Variants in THRB observed in about 807,000 individuals in gnomAD.
THRB encodes the protein nuclear receptor subfamily 1 group A member 2.
In THRB, 12 loss-of-function variants were observed where a neutral mutation model predicts 47.8. The ratio of observed to expected loss-of-function variants is 0.25; its 90% CI spans 0.16 to 0.41. The LOEUF (loss-of-function observed/expected upper bound fraction) is 0.41. Ranked by LOEUF, THRB falls within the 10% of genes least tolerant of loss-of-function variation. The pLI, the probability that THRB is intolerant of heterozygous loss-of-function variation, is 1.00. For missense variants in THRB, 348 were observed against 589.2 expected, an observed-to-expected ratio of 0.59 and a Z score of 4.24; for synonymous variants, 218 against 212.2, an observed-to-expected ratio of 1.03 and a Z score of -0.24.
chr3:24,282,958 A>C (rs185701557), intron 3 of THRB, among the ~76,000 whole-genome samples: 110 of 152,078 alleles, frequency 7.2e-4, no homozygotes, highest in African/African-American at 2.6e-3. Context: ...TTACCAACGA[A>C]AGAGTCCAGG....
intron 1 of THRB, chr3:24,455,537 A>G (rs1481054478): frequency 6.6e-6 from 1 of 152,148 alleles, no homozygotes; most frequent in Non-Finnish European, 1.5e-5. Context: ...ATTACTTTTG[A>G]TTCAAATTAA....
At chr3:24,336,661 C>T (rs961972657) in intron 2 of THRB, among the ~76,000 whole-genome samples, 1 of 151,876 alleles carries the variant, frequency 6.6e-6, no homozygotes, top group Admixed American at 6.6e-5. Flanking sequence ...TGGATCTTTA[C>T]TGCACAGGTG....
rs375444339 is a variant in THRB, at chr3:24,284,980, A to G, written c.-43+12246T>C. Among the ~76,000 whole-genome samples, 15 of 152,182 alleles carry G rather than the reference A, an allele frequency of 9.9e-5. No homozygotes were observed. The East Asian group carries it at 1.2e-3, about 12-fold the overall frequency. Reference sequence around the variant, plus strand: ...GAAATAGGAACACTTTTACACTGTTAGTGGGACTGTAAACTAGTTCAACCA... The same window carrying G: ...GAAATAGGAACACTTTTACACTGTTGGTGGGACTGTAAACTAGTTCAACCA... On this transcript the variant is annotated intron_variant, in intron 3 of 10. Transcript: ENST00000646209.
At chr3:24,291,496 A>G (rs1576597379) in intron 3 of THRB, among the ~76,000 whole-genome samples, 1 of 152,340 alleles carries the variant, frequency 6.6e-6, no homozygotes, top group Middle Eastern at 3.4e-3. Context: ...AAAAGGGTGT[A>G]ATATTTGCAT....
intron 1 of THRB, among the ~76,000 whole-genome samples, chr3:24,352,290 T>C (rs1256587191): frequency 6.6e-6 from 1 of 152,176 alleles, no homozygotes; most frequent in Non-Finnish European, 1.5e-5. Flanking sequence ...TGGATCACTT[T>C]TGGGCAAGCT....
intron 1 of THRB, among the ~76,000 whole-genome samples, chr3:24,337,889 C>T (rs559169974): frequency 2.6e-5 from 4 of 152,100 alleles, no homozygotes; most frequent in Non-Finnish European, 4.4e-5. Context: ...AAGCATGAAG[C>T]CATGGAGCTG....
chr3:24,272,807 A>G (rs996831294), intron 3 of THRB, among the ~76,000 whole-genome samples: 1 of 152,172 alleles, frequency 6.6e-6, no homozygotes, highest in Non-Finnish European at 1.5e-5. Flanking sequence ...TTCCTTTTCA[A>G]ACTTCAAATA....
chr3:24,210,753 G>C (rs1485272884), intron 4 of THRB, among the ~76,000 whole-genome samples: 1 of 152,192 alleles, frequency 6.6e-6, no homozygotes, highest in Non-Finnish European at 1.5e-5. Flanking sequence ...GGAATGTCTG[G>C]TTGACAGTAA....
At position 24,271,765 on chromosome 3, in the gene THRB, T is replaced by A. The variant is rs550745829; in HGVS notation, c.-43+25461A>T. ...ACTACATGTACTATTACAATAGTATTTTTTTCCTTGAGAAAATTTAATTTA... is the reference window on the plus strand; with the variant it reads ...ACTACATGTACTATTACAATAGTATATTTTTCCTTGAGAAAATTTAATTTA... On this transcript the variant is annotated intron_variant, in intron 3 of 10. Coordinates refer to ENST00000646209, the MANE Select transcript of THRB (RefSeq NM_001354712.2). Among the ~76,000 whole-genome samples, 4 of 152,092 alleles carry A rather than the reference T, an allele frequency of 2.6e-5. No homozygotes were observed. In the South Asian group the frequency reaches 8.3e-4, roughly 32 times the overall value.
intron 5 of THRB, among the ~76,000 whole-genome samples, chr3:24,174,068 C>T (rs541069234): frequency 8.1e-5 from 11 of 135,594 alleles, no homozygotes; most frequent in Admixed American, 3.0e-4. Context: ...ATGTGCAGGA[C>T]GTGCAGGTTT....
At position 24,190,012 on chromosome 3, in the gene THRB, C is replaced by G; in HGVS notation, c.283+62G>C. 2.6e-6 allele frequency: 4 copies of G among 1,518,676 alleles called. 1 individual carries two copies. In the South Asian group the frequency reaches 4.5e-5, roughly 17 times the overall value. The allele number at this position is 1,518,676 out of a possible 1,614,324, so 94.1% of individuals were successfully genotyped here. Reference sequence around the variant, plus strand: ...GAAATGTAGATGAAGTACACAGCTACAACAGGGATATTTTTTTTCTTGTTG... The same window carrying G: ...GAAATGTAGATGAAGTACACAGCTAGAACAGGGATATTTTTTTTCTTGTTG... On this transcript the variant is annotated intron_variant, in intron 5 of 10. Transcript: ENST00000646209.
chr3:24,318,492 C>T (rs1441095586), intron 2 of THRB: 1 of 152,132 alleles, frequency 6.6e-6, no homozygotes, highest in African/African-American at 2.4e-5. Context: ...GCCTCCAAGC[C>T]CCCTGAAAAT....
intron 2 of THRB, among the ~76,000 whole-genome samples, chr3:24,307,996 C>T (rs2057478615): frequency 6.6e-6 from 1 of 152,078 alleles, no homozygotes; most frequent in African/African-American, 2.4e-5. Flanking sequence ...GAATTTTGCC[C>T]ATCCGGCAAA....
intron 4 of THRB, among the ~76,000 whole-genome samples, chr3:24,226,436 C>T (rs1026801293): frequency 3.9e-5 from 6 of 152,172 alleles, no homozygotes; most frequent in East Asian, 1.9e-4. Context: ...AGCCCACTAA[C>T]GTATACTGTA....
chr3:24,125,396 A>T (rs1282705275), intron 10 of THRB, among the ~76,000 whole-genome samples: 1 of 152,230 alleles, frequency 6.6e-6, no homozygotes, highest in Non-Finnish European at 1.5e-5. Flanking sequence ...CGTCAGAGAA[A>T]CAGCTTTCTC....
At chr3:24,278,365 A>C (rs1189828891) in intron 3 of THRB, among the ~76,000 whole-genome samples, 1 of 152,212 alleles carries the variant, frequency 6.6e-6, no homozygotes, top group Non-Finnish European at 1.5e-5. Flanking sequence ...CTTGCTGAGA[A>C]GTTATGTAAT....
intron 1 of THRB, among the ~76,000 whole-genome samples, chr3:24,357,896 C>G (rs911324540): frequency 8.1e-4 from 123 of 152,194 alleles, no homozygotes; most frequent in African/African-American, 2.9e-3. Flanking sequence ...CAACCACTCC[C>G]CTATCATTCT....
At chr3:24,490,157 C>A (rs1490665676) in intron 1 of THRB, among the ~76,000 whole-genome samples, 3 of 152,082 alleles carry the variant, frequency 2.0e-5, no homozygotes, top group Non-Finnish European at 4.4e-5. Flanking sequence ...GCATGCTGAA[C>A]TGAAAAATGG....
intron 1 of THRB, among the ~76,000 whole-genome samples, chr3:24,384,934 C>T (rs560350689): frequency 8.0e-4 from 121 of 152,188 alleles, no homozygotes; most frequent in Non-Finnish European, 1.5e-3. Flanking sequence ...GGTACACACC[C>T]ATGGGAAAAG....
Sources: allele counts gnomAD v4.1 joint callset (sites outside exome capture counted in the v4.1 genomes callset), GRCh38; gene constraint gnomAD v4.1.1; transcripts MANE v1.5; gene names NCBI Gene and HGNC (gene_info 2026-07-23, HGNC 2026-07-21).